TOX3: variants seen among roughly 807,000 people sequenced by gnomAD.
The protein encoded by TOX3 is CAG trinucleotide repeat-containing gene F9 protein.
TOX3 carries 22 observed loss-of-function variants against 64.3 expected under a neutral mutation model. That is an observed-to-expected ratio of 0.34 (90% CI 0.24 to 0.49). TOX3 has a LOEUF of 0.49. Ranked by LOEUF, TOX3 falls within the 20% of genes least tolerant of loss-of-function variation. TOX3 has a pLI of 0.99. For missense variants in TOX3, 661 were observed against 714.4 expected (o/e 0.93, Z 0.85); for synonymous variants, 291 against 273.6 (o/e 1.06, Z -0.63).
chr16:52,456,377 A>T (rs1296105252), intron 3 of TOX3, among the ~76,000 whole-genome samples: 1 of 152,180 alleles, frequency 6.6e-6, no homozygotes, highest in East Asian at 1.9e-4. Context: ...ACAGAAGGTC[A>T]CTCAGAGTGG....
intron 2 of TOX3, 124 bp downstream of exon 2, chr16:52,468,385 A>G: frequency 1.3e-6 from 1 of 743,246 alleles, no homozygotes; most frequent in Non-Finnish European, 2.1e-6. Flanking sequence ...TTTCTCCTCC[A>G]AAGTAGTTAC....
chr16:52,543,302 C>T (rs1414999257), intron 1 of TOX3, among the ~76,000 whole-genome samples: 1 of 152,174 alleles, frequency 6.6e-6, no homozygotes, highest in Non-Finnish European at 1.5e-5. Flanking sequence ...ACCAGTTCAG[C>T]ATCCCTAATC....
chr16:52,450,404 G>A lies in TOX3; in HGVS notation c.551C>T (p.Ala184Val). The A allele has an allele frequency of 1.9e-6, 3 of 1,613,986 alleles. No homozygotes were observed. Among genetic ancestry groups the A allele is most frequent in the Middle Eastern group, 1.7e-4 (1 of 6,060 alleles). The change falls in exon 4 of 7, where the codon GCC becomes GTC. Residue 184 changes from alanine (A) to valine (V), a missense_variant. Transcript: ENST00000219746. ...ACCTCCCAAATTCAACCCCAACTGG[G>A]CGCTGAGCTGAGACTGGTTGATGGT... Reference protein sequence around the residue: ...LTTINQSQLSAQLGLNLGGAS... With the variant: ...LTTINQSQLSVQLGLNLGGAS...
intron 1 of TOX3, among the ~76,000 whole-genome samples, chr16:52,490,552 T>C (rs1961652531): frequency 6.6e-6 from 1 of 151,970 alleles, no homozygotes; most frequent in Admixed American, 6.6e-5. Flanking sequence ...CCAAAAAGTA[T>C]ATTTAGTATA....
chr16:52,543,485 C>T (rs1963116838), intron 1 of TOX3, among the ~76,000 whole-genome samples: 1 of 152,116 alleles, frequency 6.6e-6, no homozygotes. Context: ...AAATTGAACT[C>T]AGGAAAGAAA....
chr16:52,455,884 G>A, intron 3 of TOX3, among the ~76,000 whole-genome samples: 1 of 152,170 alleles, frequency 6.6e-6, no homozygotes, highest in Non-Finnish European at 1.5e-5. Context: ...GCCTCATTGT[G>A]TAAGGTGGGG....
At position 52,530,713 on chromosome 16, in the gene TOX3, G is replaced by A. The variant is rs1485291334; in HGVS notation, c.87+15924C>T. 3.3e-5 allele frequency among the ~76,000 whole-genome samples: 5 copies of A among 150,616 alleles called. No individual in the cohort carries two copies. In the East Asian group the frequency reaches 9.7e-4, roughly 29 times the overall value. On this transcript the variant is annotated intron_variant, in intron 1 of 6. Transcript: ENST00000219746. The stretch of plus-strand genomic sequence containing the variant: ...TCTTTTTCCTCTCTACAACTGAATG[G>A]TCTTTCTCCCTGATATAAGAATCTT...
At chr16:52,513,896 T>G (rs188692240) in intron 1 of TOX3, among the ~76,000 whole-genome samples, 1 of 152,370 alleles carries the variant, frequency 6.6e-6, no homozygotes, top group Non-Finnish European at 1.5e-5. Context: ...TTAAACCATT[T>G]ATATAAAAGT....
At chr16:52,545,169 C>T (rs531357076) in intron 1 of TOX3, among the ~76,000 whole-genome samples, 1 of 152,320 alleles carries the variant, frequency 6.6e-6, no homozygotes, top group South Asian at 2.1e-4. Context: ...CAAACTAATC[C>T]TTAACTCTGG....
chr16:52,462,305 T>C (rs1179814405), intron 3 of TOX3, among the ~76,000 whole-genome samples: 1 of 152,154 alleles, frequency 6.6e-6, no homozygotes, highest in Non-Finnish European at 1.5e-5. Flanking sequence ...GAAAGCATTG[T>C]TCTTTAAGTG....
At chr16:52,498,199 A>T (rs1279654058) in intron 1 of TOX3, among the ~76,000 whole-genome samples, 1 of 152,196 alleles carries the variant, frequency 6.6e-6, no homozygotes, top group Non-Finnish European at 1.5e-5. Flanking sequence ...ATCAACCAAA[A>T]GGGGAGAAAA....
In TOX3 at chr16:52,468,634, A is replaced by G. The variant is rs1258736355; in HGVS notation, c.88-60T>C. On this transcript the variant is annotated intron_variant, in intron 1 of 6. Transcript: ENST00000219746. Reference sequence around the variant, plus strand: ...GGCATAATAAAGCATTCTGGCTGTGATTTGGAAAGAATGCTGGTGTTGCTA... The same window carrying G: ...GGCATAATAAAGCATTCTGGCTGTGGTTTGGAAAGAATGCTGGTGTTGCTA... The G allele has an allele frequency of 3.0e-6, 4 of 1,342,016 alleles. No homozygotes were observed. The Admixed American group carries it at 7.2e-5, about 24-fold the overall frequency. 83.1% of individuals were successfully genotyped at this position (1,342,016 alleles called of 1,614,324 possible). A position where few individuals can be genotyped will look rare whatever the true frequency, so the allele number is the denominator to read the frequency against.
At chr16:52,501,079 C>T (rs901370412) in intron 1 of TOX3, among the ~76,000 whole-genome samples, 3 of 152,198 alleles carry the variant, frequency 2.0e-5, no homozygotes, top group African/African-American at 7.2e-5. Context: ...AAAGCACTTT[C>T]CATATGTTAA....
chr16:52,507,650 T>G (rs1401659831), intron 1 of TOX3, among the ~76,000 whole-genome samples: 2 of 152,080 alleles, frequency 1.3e-5, no homozygotes, highest in Admixed American at 6.6e-5. Flanking sequence ...AAACCTTTTT[T>G]AAAAAAAGAT....
At chr16:52,446,727 G>C (rs1380427712) in intron 4 of TOX3, among the ~76,000 whole-genome samples, 1 of 151,400 alleles carries the variant, frequency 6.6e-6, no homozygotes, top group Non-Finnish European at 1.5e-5. Flanking sequence ...ATGTTACTTT[G>C]CTAATGGCTC....
At chr16:52,510,373 C>A (rs56050258) in intron 1 of TOX3, among the ~76,000 whole-genome samples, 1 of 152,068 alleles carries the variant, frequency 6.6e-6, no homozygotes, top group Non-Finnish European at 1.5e-5. Context: ...GAAATAGATA[C>A]TAAAAATTTA....
chr16:52,530,661 T>C (rs1361927000), intron 1 of TOX3, among the ~76,000 whole-genome samples: 1 of 151,974 alleles, frequency 6.6e-6, no homozygotes, highest in East Asian at 1.9e-4. Context: ...CTTTTTTTTT[T>C]TTCTTTTTTT....
chr16:52,520,134 C>T (rs1962568828), intron 1 of TOX3, among the ~76,000 whole-genome samples: 1 of 151,998 alleles, frequency 6.6e-6, no homozygotes, highest in South Asian at 2.1e-4. Context: ...AAAATCCAAA[C>T]ATAAAAATCA....
intron 3 of TOX3, among the ~76,000 whole-genome samples, chr16:52,452,128 C>T (rs1292835306): frequency 6.6e-6 from 1 of 152,050 alleles, no homozygotes; most frequent in Non-Finnish European, 1.5e-5. Flanking sequence ...TAAAAAATAA[C>T]TATACAGGAC....
Sources: gnomAD v4.1 joint callset for allele counts (sites outside exome capture counted in the v4.1 genomes callset) on GRCh38, gnomAD v4.1.1 for gene constraint, MANE v1.5 for transcripts, NCBI Gene and HGNC (gene_info 2026-07-23, HGNC 2026-07-21) for gene names.